The following FOXP1 variants were observed in gnomAD, a reference collection of about 807,000 sequenced individuals.
The protein encoded by FOXP1 is forkhead box P1, also known as forkhead box protein P1.
In FOXP1, 15 loss-of-function variants were observed where a neutral mutation model predicts 98.2. The ratio of observed to expected loss-of-function variants is 0.15; its 90% CI spans 0.10 to 0.24. FOXP1 has a LOEUF of 0.24. Among genes scored for constraint, FOXP1 ranks in the 10% least tolerant of loss-of-function variants. The pLI is 1.00. For synonymous variants in FOXP1, 371 were observed against 314.5 expected, an observed-to-expected ratio of 1.18 and a Z score of -1.90; for missense variants, 633 against 848.5, an observed-to-expected ratio of 0.75 and a Z score of 3.15.
chr3:71,579,621 TTTTC>T (rs1414509902), intron 2 of FOXP1, among the ~76,000 whole-genome samples: 1 of 111,922 alleles, frequency 8.9e-6, no homozygotes, highest in Non-Finnish European at 1.9e-5. Context: ...TTTTTCTTTT[TTTTC>T]TTTTTTCTTT....
intron 2 of FOXP1, among the ~76,000 whole-genome samples, chr3:71,539,744 C>T (rs2044639688): frequency 1.3e-5 from 2 of 152,030 alleles, no homozygotes; most frequent in Non-Finnish European, 2.9e-5. Context: ...AATACAATAG[C>T]TTGAAATCTT....
intron 2 of FOXP1, among the ~76,000 whole-genome samples, chr3:71,561,873 T>C (rs2046568277): frequency 6.6e-6 from 1 of 152,190 alleles, no homozygotes; most frequent in East Asian, 1.9e-4. Flanking sequence ...TTTTTTTCTT[T>C]CTCTTGGGGG....
chr3:70,981,720 T>C (rs908779663), intron 14 of FOXP1, among the ~76,000 whole-genome samples: 11 of 152,218 alleles, frequency 7.2e-5, no homozygotes, highest in Admixed American at 5.2e-4. Flanking sequence ...CAAGTCTCAA[T>C]AGAGGAGCTG....
At chr3:71,532,575 T>C (rs2043946688) in intron 2 of FOXP1, among the ~76,000 whole-genome samples, 1 of 152,186 alleles carries the variant, frequency 6.6e-6, no homozygotes, top group Non-Finnish European at 1.5e-5. Flanking sequence ...TGAGTTTCCT[T>C]AAGGTAGGAA....
intron 13 of FOXP1, among the ~76,000 whole-genome samples, chr3:70,991,827 A>G (rs906605580): frequency 3.3e-5 from 5 of 152,192 alleles, no homozygotes; most frequent in African/African-American, 9.7e-5. Context: ...GGGCAGAAAT[A>G]AGACTAGGGT....
intron 3 of FOXP1, among the ~76,000 whole-genome samples, chr3:71,427,404 C>T (rs917778551): frequency 5.3e-5 from 8 of 152,132 alleles, no homozygotes; most frequent in South Asian, 4.1e-4. Flanking sequence ...CTGGCTGCAG[C>T]GAAGGGCATG....
chr3:71,458,283 T>C (rs529077624), intron 3 of FOXP1, among the ~76,000 whole-genome samples: 11 of 152,186 alleles, frequency 7.2e-5, no homozygotes, highest in Admixed American at 2.0e-4. Flanking sequence ...GCAATGCAAA[T>C]CTCAAAAAAG....
intron 3 of FOXP1, among the ~76,000 whole-genome samples, chr3:71,430,842 C>T (rs895137578): frequency 2.0e-5 from 3 of 152,118 alleles, no homozygotes; most frequent in African/African-American, 7.2e-5. Flanking sequence ...GGGGGGCAGG[C>T]CCATGTTTCT....
chr3:71,582,598 C>T (rs961078029), intron 1 of FOXP1: 3 of 985,344 alleles, frequency 3.0e-6, no homozygotes, highest in African/African-American at 1.7e-5. Context: ...CTCCCCGTCC[C>T]CCAAGCTTCA....
intron 2 of FOXP1, among the ~76,000 whole-genome samples, chr3:71,541,575 C>T (rs1472570320): frequency 6.6e-6 from 1 of 152,132 alleles, no homozygotes; most frequent in Non-Finnish European, 1.5e-5. Context: ...AGGAGAGAAG[C>T]ATGCTACTCT....
intron 4 of FOXP1, among the ~76,000 whole-genome samples, chr3:71,331,035 G>C (rs1025475988): frequency 6.6e-6 from 1 of 152,238 alleles, no homozygotes. Context: ...CTCTGGCCGC[G>C]CTTGAGGGGC....
At chr3:71,092,621 TA>T (rs1354762916) in intron 7 of FOXP1, among the ~76,000 whole-genome samples, 1 of 152,174 alleles carries the variant, frequency 6.6e-6, no homozygotes, top group African/African-American at 2.4e-5. Flanking sequence ...CAAATTCTTT[TA>T]GAAGTTCTTA....
At chr3:71,209,118 A>G (rs985935712) in intron 5 of FOXP1, among the ~76,000 whole-genome samples, 3 of 152,160 alleles carry the variant, frequency 2.0e-5, no homozygotes, top group African/African-American at 4.8e-5. Context: ...AAAACAAAAA[A>G]CAGGCCCCTT....
chr3:71,038,039 T>C (rs959758522), intron 11 of FOXP1, among the ~76,000 whole-genome samples: 4 of 152,194 alleles, frequency 2.6e-5, no homozygotes, highest in Non-Finnish European at 4.4e-5. Context: ...ATTATTTATC[T>C]CCTTAACAGA....
intron 7 of FOXP1, among the ~76,000 whole-genome samples, chr3:71,064,569 G>T (rs923970557): frequency 3.3e-5 from 5 of 151,970 alleles, no homozygotes; most frequent in Non-Finnish European, 7.4e-5. Flanking sequence ...AAGGGGGGTG[G>T]GGGGGTATCT....
intron 4 of FOXP1, among the ~76,000 whole-genome samples, chr3:71,309,754 T>C (rs1179576072): frequency 6.6e-6 from 1 of 152,144 alleles, no homozygotes; most frequent in Non-Finnish European, 1.5e-5. Context: ...TTTGTTGTCG[T>C]TATCTGTTCA....
intron 7 of FOXP1, among the ~76,000 whole-genome samples, chr3:71,100,595 T>C (rs1168239686): frequency 1.3e-5 from 2 of 152,224 alleles, no homozygotes; most frequent in Non-Finnish European, 2.9e-5. Flanking sequence ...AGTTTCTTTC[T>C]GAAGAAAGCA....
chr3:71,269,422 G>C (rs1365282197), intron 5 of FOXP1, among the ~76,000 whole-genome samples: 1 of 151,342 alleles, frequency 6.6e-6, no homozygotes, highest in African/African-American at 2.5e-5. Flanking sequence ...ACTATAAAAA[G>C]AATTTTTCAA....
At chr3:71,298,979 T>A (rs1327429788) in intron 5 of FOXP1, among the ~76,000 whole-genome samples, 2 of 152,144 alleles carry the variant, frequency 1.3e-5, no homozygotes, top group Non-Finnish European at 2.9e-5. Flanking sequence ...ATGGAACTAT[T>A]AAAGGCCAAA....
Sources: gnomAD v4.1 joint callset for allele counts (sites outside exome capture counted in the v4.1 genomes callset) on GRCh38, gnomAD v4.1.1 for gene constraint, MANE v1.5 for transcripts, NCBI Gene and HGNC (gene_info 2026-07-23, HGNC 2026-07-21) for gene names.